PDZD2: variants seen among roughly 807,000 people sequenced by gnomAD.
PDZD2 encodes the protein PDZ domain containing 2.
A neutral mutation model predicts 220.7 loss-of-function variants in PDZD2; 90 were observed. The ratio of observed to expected loss-of-function variants is 0.41; its 90% CI spans 0.34 to 0.49. The LOEUF is 0.49. Among genes scored for constraint, PDZD2 ranks in the 20% least tolerant of loss-of-function variants. The probability of loss-of-function intolerance (pLI) is 0.28; values close to 1 mark genes in which losing one functional copy is unlikely to be tolerated. For synonymous variants in PDZD2, 1,375 were observed against 1,450.5 expected, an observed-to-expected ratio of 0.95 and a Z score of 1.18; for missense variants, 3,174 against 3,608.5, an observed-to-expected ratio of 0.88 and a Z score of 3.08.
rs528595721 is a variant in PDZD2, at chr5:32,066,334, G to C, written c.2452-3235G>C. On this transcript the variant is annotated intron_variant, in intron 14 of 24. Transcript: ENST00000438447. The stretch of plus-strand genomic sequence containing the variant: ...CACTCCAGCCTGGGCAACAGAGCGA[G>C]ACTCTATCTCAAGTCAATCAATCAG... Among the ~76,000 whole-genome samples, 6 of 152,280 alleles carry C rather than the reference G, an allele frequency of 3.9e-5. No homozygotes were observed. In the South Asian group the frequency reaches 1.2e-3, roughly 32 times the overall value.
In PDZD2 at chr5:32,089,887, C is replaced by T; in HGVS notation, c.6439C>T (p.Leu2147Phe). 1 of 1,613,148 alleles carries T rather than the reference C, an allele frequency of 6.2e-7. No homozygotes were observed. Residue 2147 changes from leucine (L) to phenylalanine (F), a missense_variant, in exon 20 of 25, where the codon CTC becomes TTC. Physicochemically the swap from Leu to Phe is conservative, Grantham distance 22. Around this residue, in one of 4 missense-constraint regions of PDZD2, gnomAD observed 1,861 missense variants for 2,001.0 expected, o/e 0.93. Transcript: ENST00000438447. ...ATCATCCACAAGTCATCCATCCTCACTCCCATCTCATGCCTCCCAGGCAGA... is the reference window on the plus strand; with the variant it reads ...ATCATCCACAAGTCATCCATCCTCATTCCCATCTCATGCCTCCCAGGCAGA... The part of the protein sequence containing the change: ...AESSTSHPSS[L>F]PSHASQAEQE...
intron 14 of PDZD2, among the ~76,000 whole-genome samples, chr5:32,061,488 C>T (rs1739688395): frequency 6.6e-6 from 1 of 152,138 alleles, no homozygotes; most frequent in African/African-American, 2.4e-5. Context: ...CTGTCAGTTT[C>T]AAGATAAGAA....
intron 3 of PDZD2, among the ~76,000 whole-genome samples, chr5:31,989,069 A>G (rs79586363): frequency 0.059 from 9,003 of 152,174 alleles, 302 homozygotes; most frequent in Middle Eastern, 0.13. Flanking sequence ...TGTTTTATAT[A>G]TTTGGGGGAT....
At chr5:31,863,290 G>C (rs780604753) in intron 2 of PDZD2, among the ~76,000 whole-genome samples, 1 of 152,126 alleles carries the variant, frequency 6.6e-6, no homozygotes. Flanking sequence ...GCCAGCAGCC[G>C]AACTCAGCAC....
chr5:31,737,354 A>C (rs555521763), intron 1 of PDZD2, among the ~76,000 whole-genome samples: 4 of 147,840 alleles, frequency 2.7e-5, no homozygotes, highest in African/African-American at 7.3e-5. Flanking sequence ...TTGTATTTTT[A>C]GTAGAGATGG....
intron 18 of PDZD2, among the ~76,000 whole-genome samples, chr5:32,076,843 T>A (rs755441878): frequency 1.2e-4 from 19 of 152,366 alleles, no homozygotes; most frequent in Non-Finnish European, 2.8e-4. Context: ...TATGAAAAGA[T>A]TTCTTACCAA....
intron 1 of PDZD2, among the ~76,000 whole-genome samples, chr5:31,738,852 G>A (rs144739354): frequency 2.1e-3 from 319 of 152,012 alleles, no homozygotes; most frequent in African/African-American, 7.3e-3. Flanking sequence ...AGTTAAGGAA[G>A]ACTAAGGGGC....
chr5:31,994,675 C>T (rs1375331621), intron 3 of PDZD2, among the ~76,000 whole-genome samples: 1 of 151,526 alleles, frequency 6.6e-6, no homozygotes, highest in Non-Finnish European at 1.5e-5. Context: ...TTTGTAGAGA[C>T]GGGGTTTCAC....
At chr5:31,920,402 C>A (rs537806785) in intron 2 of PDZD2, among the ~76,000 whole-genome samples, 12 of 137,278 alleles carry the variant, frequency 8.7e-5, no homozygotes, top group South Asian at 2.4e-4. Context: ...CCCCCCCCCC[C>A]ACTGGGGTGG....
intron 1 of PDZD2, among the ~76,000 whole-genome samples, chr5:31,717,102 T>C (rs572317288): frequency 1.5e-3 from 228 of 152,114 alleles, no homozygotes; most frequent in Admixed American, 2.7e-3. Context: ...GCCAAAACAT[T>C]AAGAATAAAG....
intron 1 of PDZD2, chr5:31,754,706 T>C (rs1751207496): frequency 1.3e-5 from 2 of 152,182 alleles, no homozygotes; most frequent in Non-Finnish European, 2.9e-5. Context: ...TGAATTTTGA[T>C]TGTGACTCTT....
At chr5:31,863,043 CA>C (rs1367039208) in intron 2 of PDZD2, among the ~76,000 whole-genome samples, 1 of 152,074 alleles carries the variant, frequency 6.6e-6, no homozygotes, top group African/African-American at 2.4e-5. Context: ...GGCGCCCAGC[CA>C]ATTTTGATTT....
Position 31,799,616 on chromosome 5 carries a change from A to G in PDZD2, c.368A>G (p.Glu123Gly), listed in dbSNP as rs1425136910. ...VLDVGCIWVT[E>G]LRKNSPAGKS... Reference sequence around the variant, plus strand: ...GATGTGGGCTGCATCTGGGTGACAGAGCTGAGGAAGAACAGCCCAGCAGGG... The same window carrying G: ...GATGTGGGCTGCATCTGGGTGACAGGGCTGAGGAAGAACAGCCCAGCAGGG... The change falls in exon 2 of 25, where the codon GAG becomes GGG. Residue 123 changes from glutamate to glycine, a missense_variant. Physicochemically the swap from Glu to Gly is moderately conservative, Grantham distance 98. Transcript: ENST00000438447. 6.2e-7 allele frequency: 1 copy of G among 1,614,124 alleles called. No individual in the cohort carries two copies. The highest frequency in any genetic ancestry group is 8.5e-7 in the Non-Finnish European group (1 of 1,179,986).
intron 1 of PDZD2, among the ~76,000 whole-genome samples, chr5:31,794,172 C>T (rs150112850): frequency 3.6e-3 from 547 of 152,238 alleles, no homozygotes; most frequent in Non-Finnish European, 5.8e-3. Flanking sequence ...GTCACCTTCT[C>T]GCTATCCTCT....
chr5:32,017,528 C>G (rs539025206), intron 6 of PDZD2, among the ~76,000 whole-genome samples: 2 of 152,190 alleles, frequency 1.3e-5, no homozygotes, highest in East Asian at 3.9e-4. Flanking sequence ...GAGAGAAAGT[C>G]TCTCTGCTAT....
At chr5:31,656,361 C>A (rs923436234) in intron 1 of PDZD2, among the ~76,000 whole-genome samples, 3 of 152,214 alleles carry the variant, frequency 2.0e-5, no homozygotes, top group Non-Finnish European at 2.9e-5. Flanking sequence ...TGCTACCTAG[C>A]ACATGTTGCT....
intron 22 of PDZD2, among the ~76,000 whole-genome samples, chr5:32,097,749 T>A (rs1467679228): frequency 6.6e-6 from 1 of 152,138 alleles, no homozygotes; most frequent in Non-Finnish European, 1.5e-5. Context: ...TCAAAAGCCT[T>A]CAGGACCATC....
chr5:31,689,572 A>G (rs948306484), intron 1 of PDZD2, among the ~76,000 whole-genome samples: 1 of 151,550 alleles, frequency 6.6e-6, no homozygotes, highest in Admixed American at 6.6e-5. Context: ...TATGTCTAAT[A>G]AGTTAAGAAT....
At chr5:31,739,507 G>C (rs1750120584) in intron 1 of PDZD2, among the ~76,000 whole-genome samples, 1 of 152,146 alleles carries the variant, frequency 6.6e-6, no homozygotes, top group East Asian at 1.9e-4. Flanking sequence ...AAATGTTTAA[G>C]ATAAAAGAAG....
Sources: allele counts gnomAD v4.1 joint callset (sites outside exome capture counted in the v4.1 genomes callset), GRCh38; gene constraint gnomAD v4.1.1; regional missense constraint gnomAD v4.1.1; transcripts MANE v1.5; gene names NCBI Gene and HGNC (gene_info 2026-07-23, HGNC 2026-07-21).